Variants in TRAPPC9 observed in about 807,000 individuals in gnomAD.
TRAPPC9 encodes the protein trafficking protein particle complex subunit 9, also known as IKK2 binding protein.
Under a neutral mutation model 124.0 loss-of-function variants are expected in TRAPPC9, and 83 were observed. The ratio of observed to expected loss-of-function variants is 0.67; its 90% CI spans 0.56 to 0.80. TRAPPC9 has a LOEUF of 0.80. TRAPPC9 is among the 30% of genes least tolerant of loss of function. The pLI, the probability that TRAPPC9 is intolerant of heterozygous loss-of-function variation, is 0.00. For synonymous variants in TRAPPC9, 638 were observed against 617.5 expected, an observed-to-expected ratio of 1.03 and a Z score of -0.49; for missense variants, 1,302 against 1,508.3, an observed-to-expected ratio of 0.86 and a Z score of 2.27.
intron 21 of TRAPPC9, among the ~76,000 whole-genome samples, chr8:139,790,420 C>T (rs576268431): frequency 2.0e-5 from 3 of 152,262 alleles, no homozygotes; most frequent in East Asian, 3.9e-4. Context: ...CACGGACAAG[C>T]GTGGGGTATG....
chr8:140,268,983 C>A (rs1279593574), intron 15 of TRAPPC9, among the ~76,000 whole-genome samples: 2 of 151,988 alleles, frequency 1.3e-5, no homozygotes, highest in African/African-American at 2.4e-5. Flanking sequence ...TGGCTTGCCC[C>A]GGGGCTGGGG....
At chr8:140,443,406 A>T (rs1056232371) in intron 2 of TRAPPC9, among the ~76,000 whole-genome samples, 1 of 151,750 alleles carries the variant, frequency 6.6e-6, no homozygotes, top group Non-Finnish European at 1.5e-5. Context: ...ACTGCACTCC[A>T]GCGTGGGCGA....
intron 21 of TRAPPC9, among the ~76,000 whole-genome samples, chr8:139,769,584 G>A (rs1319335984): frequency 1.3e-5 from 2 of 152,212 alleles, no homozygotes; most frequent in East Asian, 1.9e-4. Context: ...AAGCAAAACC[G>A]AGGATAAGGG....
intron 17 of TRAPPC9, among the ~76,000 whole-genome samples, chr8:140,053,778 G>T (rs911545361): frequency 6.6e-6 from 1 of 152,160 alleles, no homozygotes; most frequent in Admixed American, 6.5e-5. Context: ...TCTTCCTGTT[G>T]AATCAACCAT....
chr8:140,277,866 G>T (rs1257025396), intron 14 of TRAPPC9, among the ~76,000 whole-genome samples: 7 of 152,222 alleles, frequency 4.6e-5, no homozygotes, highest in Non-Finnish European at 8.8e-5. Context: ...GGCAAACTGT[G>T]GGAGGTAGGA....
In TRAPPC9 at chr8:140,077,810, G is replaced by T. The variant is rs1843595578; in HGVS notation, c.2557-53731C>A. Among the ~76,000 whole-genome samples the T allele has an allele frequency of 2.0e-5, 3 of 152,138 alleles. No homozygotes were observed. In the South Asian group the frequency reaches 6.2e-4, roughly 32 times the overall value. ...GAATGATTGTGTAGAAAACGGAAAGGCAGGAAAGCTGCAGGACCGCAGGGC... is the reference window on the plus strand; with the variant it reads ...GAATGATTGTGTAGAAAACGGAAAGTCAGGAAAGCTGCAGGACCGCAGGGC... On this transcript the variant is annotated intron_variant, in intron 17 of 22. Coordinates refer to ENST00000438773, the MANE Select transcript of TRAPPC9 (RefSeq NM_001160372.4).
intron 2 of TRAPPC9, 133 bp from the exon 3 acceptor site, chr8:140,439,330 C>G: frequency 2.0e-6 from 2 of 985,332 alleles, no homozygotes; most frequent in South Asian, 1.6e-5. Flanking sequence ...AATTTTAAGT[C>G]AGCAATAATC....
intron 17 of TRAPPC9, among the ~76,000 whole-genome samples, chr8:140,140,969 C>A (rs1306103385): frequency 6.6e-6 from 1 of 152,192 alleles, no homozygotes; most frequent in African/African-American, 2.4e-5. Flanking sequence ...CAAATGGCAG[C>A]TTTTCAACAT....
chr8:140,189,772 T>G (rs1047255421), intron 17 of TRAPPC9, among the ~76,000 whole-genome samples: 2 of 152,212 alleles, frequency 1.3e-5, no homozygotes, highest in Non-Finnish European at 2.9e-5. Flanking sequence ...TCCCAAATCT[T>G]TTGCTTCGCA....
intron 21 of TRAPPC9, among the ~76,000 whole-genome samples, chr8:139,878,270 T>A (rs1829459418): frequency 6.6e-6 from 1 of 152,220 alleles, no homozygotes; most frequent in Non-Finnish European, 1.5e-5. Context: ...CACAGAAGTA[T>A]AAATACAGTA....
At chr8:140,429,572 G>A (rs1320379039) in intron 4 of TRAPPC9, among the ~76,000 whole-genome samples, 10 of 152,072 alleles carry the variant, frequency 6.6e-5, no homozygotes, top group Admixed American at 2.0e-4. Flanking sequence ...TGTAGAGGCC[G>A]AGGTGGGTGG....
Position 139,823,365 on chromosome 8 carries a change from AGCAGAG to A in TRAPPC9, c.3055+62508_3055+62513del, listed in dbSNP as rs1413717915. Among the ~76,000 whole-genome samples, 3 of 152,032 alleles carry A rather than the reference AGCAGAG, an allele frequency of 2.0e-5. No homozygotes were observed. The East Asian group carries it at 5.8e-4, about 30-fold the overall frequency. On this transcript the variant is annotated intron_variant, in intron 21 of 22. Coordinates refer to ENST00000438773, the MANE Select transcript of TRAPPC9 (RefSeq NM_001160372.4). ...ACATCCAGGCTAAGGGGCTCAAGCA[AGCAGAG>A]GCTTGGTGCCCGAATGCAGAGTGGG...
At chr8:139,989,426 C>A (rs1187839558) in intron 18 of TRAPPC9, among the ~76,000 whole-genome samples, 1 of 152,254 alleles carries the variant, frequency 6.6e-6, no homozygotes, top group African/African-American at 2.4e-5. Flanking sequence ...TGTTTCCTCT[C>A]CTCCAGAGGT....
At chr8:140,272,406 T>TGGTGGC (rs1224943082) in intron 15 of TRAPPC9, among the ~76,000 whole-genome samples, 1 of 139,620 alleles carries the variant, frequency 7.2e-6, no homozygotes, top group Non-Finnish European at 1.6e-5. Context: ...GCGATGGTGA[T>TGGTGGC]AATGGTGATG....
At chr8:140,277,884 C>T (rs1486051429) in intron 14 of TRAPPC9, among the ~76,000 whole-genome samples, 1 of 152,204 alleles carries the variant, frequency 6.6e-6, no homozygotes, top group Non-Finnish European at 1.5e-5. Flanking sequence ...GGAGTAAGGT[C>T]TATGGCGATG....
chr8:139,767,550 T>C (rs1304206980), intron 21 of TRAPPC9, among the ~76,000 whole-genome samples: 1 of 149,968 alleles, frequency 6.7e-6, no homozygotes, highest in Non-Finnish European at 1.5e-5. Flanking sequence ...CATGTGGGGG[T>C]GGAAGGGGGA....
In TRAPPC9 at chr8:139,825,723, C is replaced by T. The variant is rs1228082632; in HGVS notation, c.3055+60156G>A. Among the ~76,000 whole-genome samples the T allele has an allele frequency of 6.6e-6, 1 of 152,116 alleles. No individual in the cohort carries two copies. Among genetic ancestry groups the T allele is most frequent in the East Asian group, 1.9e-4 (1 of 5,184 alleles). On this transcript the variant is annotated intron_variant, in intron 21 of 22. Coordinates refer to ENST00000438773, the MANE Select transcript of TRAPPC9 (RefSeq NM_001160372.4). This position sits in a 1 kb window ranked among gnomAD's most constrained non-coding sequence, Gnocchi z 4.6. ...TGATCAGACGCCCCGTGGAGGATAC[C>T]GCCGAGCAGCCAGCTTGCCCGGAAG...
intron 21 of TRAPPC9, among the ~76,000 whole-genome samples, chr8:139,813,659 G>A (rs375312657): frequency 9.2e-5 from 14 of 152,324 alleles, no homozygotes; most frequent in African/African-American, 3.1e-4. Flanking sequence ...ACTAGTTGAG[G>A]GGCCTCGGAA....
At chr8:139,802,119 C>T (rs749245309) in intron 21 of TRAPPC9, among the ~76,000 whole-genome samples, 17 of 152,232 alleles carry the variant, frequency 1.1e-4, no homozygotes, top group South Asian at 2.1e-4. Context: ...TGTTGTCCCA[C>T]GCAACCCAGT....
Sources: allele counts gnomAD v4.1 joint callset (sites outside exome capture counted in the v4.1 genomes callset), GRCh38; gene constraint gnomAD v4.1.1; non-coding constraint Gnocchi (gnomAD v3.1); transcripts MANE v1.5; gene names NCBI Gene and HGNC (gene_info 2026-07-23, HGNC 2026-07-21).